The following TMEM192 variants were observed in gnomAD, a reference collection of about 807,000 sequenced individuals.
TMEM192 encodes the protein transmembrane protein 192.
Under a neutral mutation model 26.7 loss-of-function variants are expected in TMEM192, and 20 were observed. The observed-to-expected ratio is 0.75, with a 90% CI of 0.53 to 1.09. The LOEUF is 1.09. Among genes scored for constraint, TMEM192 ranks in the 50% least tolerant of loss-of-function variants. The pLI, the probability that TMEM192 is intolerant of heterozygous loss-of-function variation, is 0.00. For missense variants in TMEM192, 304 were observed against 322.6 expected (o/e 0.94, Z 0.44); for synonymous variants, 124 against 121.0 (o/e 1.02, Z -0.16).
At chr4:165,091,289 G>A (rs1734757443) in intron 3 of TMEM192, among the ~76,000 whole-genome samples, 1 of 152,082 alleles carries the variant, frequency 6.6e-6, no homozygotes, top group Admixed American at 6.6e-5. Flanking sequence ...ACAGAAGTAT[G>A]GGAAGCATGG....
At chr4:165,101,224 C>A (rs1178138710) in intron 2 of TMEM192, among the ~76,000 whole-genome samples, 1 of 151,972 alleles carries the variant, frequency 6.6e-6, no homozygotes, top group African/African-American at 2.4e-5. Context: ...GATCCACCCA[C>A]CTCAGCCTCC....
In TMEM192 at chr4:165,077,637, C is replaced by G. The variant is rs1578895999; in HGVS notation, c.*2021G>C. 1.3e-5 allele frequency: 2 copies of G among 152,172 alleles called. No individual in the cohort carries two copies. Among genetic ancestry groups the G allele is most frequent in the African/African-American group, 4.8e-5 (2 of 41,396 alleles). 9.4% of individuals were successfully genotyped at this position (152,172 alleles called of 1,614,324 possible). A position where few individuals can be genotyped will look rare whatever the true frequency, so the allele number is the denominator to read the frequency against. Reference sequence around the variant, plus strand: ...GCATGTGCCTGTAATCCCAGCTACTCAGCAGGCTGAGGTAGGAGAATTTCT... The same window carrying G: ...GCATGTGCCTGTAATCCCAGCTACTGAGCAGGCTGAGGTAGGAGAATTTCT... On this transcript the variant is annotated 3_prime_UTR_variant, in exon 6 of 6. Coordinates refer to ENST00000306480, the MANE Select transcript of TMEM192 (RefSeq NM_001100389.2).
rs556759164 is a variant in TMEM192, at chr4:165,080,586, G to A, written c.678-790C>T. On this transcript the variant is annotated intron_variant, in intron 5 of 5. Coordinates refer to ENST00000306480, the MANE Select transcript of TMEM192 (RefSeq NM_001100389.2). ...AGGGAACTATTTCAAGGGATGGTAA[G>A]TGAGAAATTCAGCATGAAAAATATC... is the stretch of plus-strand genomic sequence containing the variant. 3.7e-3 allele frequency among the ~76,000 whole-genome samples: 566 copies of A among 152,262 alleles called. 6 individuals are homozygous for A. The highest frequency in any genetic ancestry group is 4.0e-3 in the Non-Finnish European group (275 of 68,030).
intron 1 of TMEM192, among the ~76,000 whole-genome samples, chr4:165,108,403 G>A (rs12647225): frequency 0.25 from 38,186 of 151,920 alleles, 5,073 homozygotes; most frequent in East Asian, 0.32. Flanking sequence ...TTACAGGCAT[G>A]AGCCACCGCA....
chr4:165,107,443 A>G (rs1447491918), intron 1 of TMEM192, among the ~76,000 whole-genome samples: 3 of 152,022 alleles, frequency 2.0e-5, no homozygotes, highest in African/African-American at 7.2e-5. Context: ...CCCCAGGCTC[A>G]AGAAATCCTC....
At chr4:165,096,461 A>T (rs1257618171) in intron 3 of TMEM192, among the ~76,000 whole-genome samples, 1 of 151,838 alleles carries the variant, frequency 6.6e-6, no homozygotes, top group African/African-American at 2.4e-5. Context: ...CAGATTAATC[A>T]GGTAAATATT....
chr4:165,093,684 G>C (rs1163980006), intron 3 of TMEM192, among the ~76,000 whole-genome samples: 1 of 152,104 alleles, frequency 6.6e-6, no homozygotes, highest in Admixed American at 6.6e-5. Flanking sequence ...TATCAGTTTT[G>C]TGCTAACCAA....
Position 165,077,955 on chromosome 4 carries a change from A to T in TMEM192, c.*1703T>A, listed in dbSNP as rs2111255505. 1 of 148,238 alleles carries T rather than the reference A, an allele frequency of 6.7e-6. No homozygotes were observed. Among genetic ancestry groups the T allele is most frequent in the Admixed American group, 6.7e-5 (1 of 14,870 alleles). 9.2% of individuals were successfully genotyped at this position (148,238 alleles called of 1,614,324 possible). On this transcript the variant is annotated 3_prime_UTR_variant, in exon 6 of 6. Transcript: ENST00000306480. ...TCTTTTTTTTTTTTTTTTGAGAGAC[A>T]GTGTCTCATTGTTGCCCAGGCTGGT...
chr4:165,100,952 T>G, intron 2 of TMEM192, 60 bp from the exon 3 acceptor site: 1 of 1,082,274 alleles, frequency 9.2e-7, no homozygotes, highest in Non-Finnish European at 1.3e-6. Context: ...AAGCAATAAC[T>G]ACCATCCCAG....
rs1477653892 is a variant in TMEM192, at chr4:165,070,970, T to C, written c.*8688A>G. On this transcript the variant is annotated 3_prime_UTR_variant, in exon 6 of 6. Transcript: ENST00000306480. ...AGACAAAGTAAACAAGTAAGTTACA[T>C]GCAGTATTTTCCCCTTATCTACAGG... 2 of 152,190 alleles carry C rather than the reference T, an allele frequency of 1.3e-5. No homozygotes were observed. The highest frequency in any genetic ancestry group is 1.9e-4 in the East Asian group (1 of 5,192). The allele number at this position is 152,190 out of a possible 1,614,324, so 9.4% of individuals were successfully genotyped here.
At chr4:165,109,101 C>A (rs903333062) in intron 1 of TMEM192, among the ~76,000 whole-genome samples, 8 of 152,164 alleles carry the variant, frequency 5.3e-5, no homozygotes, top group Admixed American at 5.2e-4. Flanking sequence ...CCAGTTACTC[C>A]ATGTTGGCTG....
chr4:165,085,012 C>T (rs973230426), intron 5 of TMEM192, among the ~76,000 whole-genome samples: 2 of 149,296 alleles, frequency 1.3e-5, no homozygotes, highest in African/African-American at 2.5e-5. Flanking sequence ...AGGTGGCTCA[C>T]GCCTGTGATC....
intron 3 of TMEM192, among the ~76,000 whole-genome samples, chr4:165,094,054 C>A (rs1488554806): frequency 6.6e-6 from 1 of 152,172 alleles, no homozygotes; most frequent in Non-Finnish European, 1.5e-5. Context: ...CACCTGCCAC[C>A]ATGCCTGGCT....
At chr4:165,105,899 TC>T (rs1312021670) in intron 1 of TMEM192, among the ~76,000 whole-genome samples, 1 of 152,002 alleles carries the variant, frequency 6.6e-6, no homozygotes, top group Non-Finnish European at 1.5e-5. Context: ...CCATGAGGGT[TC>T]CCCCCCTCAT....
chr4:165,086,882 G>A (rs1734630732), intron 4 of TMEM192, among the ~76,000 whole-genome samples: 1 of 152,152 alleles, frequency 6.6e-6, no homozygotes, highest in South Asian at 2.1e-4. Flanking sequence ...GGGAGGCCGA[G>A]GCGGATAGAT....
At chr4:165,095,770 T>G (rs945766016) in intron 3 of TMEM192, among the ~76,000 whole-genome samples, 6 of 152,032 alleles carry the variant, frequency 3.9e-5, no homozygotes, top group Admixed American at 3.9e-4. Context: ...TAATAATACT[T>G]GATTTTTAAA....
intron 5 of TMEM192, among the ~76,000 whole-genome samples, chr4:165,080,633 A>C (rs1734498563): frequency 6.6e-6 from 1 of 152,206 alleles, no homozygotes; most frequent in Non-Finnish European, 1.5e-5. Context: ...GTCCCATGTG[A>C]ACAAAAAAGA....
intron 4 of TMEM192, among the ~76,000 whole-genome samples, chr4:165,086,320 G>A (rs56380623): frequency 2.0e-4 from 30 of 152,124 alleles, no homozygotes; most frequent in African/African-American, 6.7e-4. Context: ...GAAGCTACAC[G>A]TATGTATGGG....
At chr4:165,105,588 C>T (rs935543938) in intron 1 of TMEM192, among the ~76,000 whole-genome samples, 4 of 152,212 alleles carry the variant, frequency 2.6e-5, no homozygotes, top group Admixed American at 1.3e-4. Context: ...CACTGCCTGA[C>T]GCACAGAGAG....
Sources: gnomAD v4.1 joint callset for allele counts (sites outside exome capture counted in the v4.1 genomes callset) on GRCh38, gnomAD v4.1.1 for gene constraint, MANE v1.5 for transcripts, NCBI Gene and HGNC (gene_info 2026-07-23, HGNC 2026-07-21) for gene names.